ADTRP: variants seen among roughly 807,000 people sequenced by gnomAD.
The protein encoded by ADTRP is androgen dependent TFPI regulating protein, also known as androgen-dependent TFPI-regulating protein.
ADTRP carries 20 observed loss-of-function variants against 27.0 expected under a neutral mutation model. The ratio of observed to expected loss-of-function variants is 0.74; its 90% CI spans 0.52 to 1.08. The LOEUF (loss-of-function observed/expected upper bound fraction) is 1.08. Ranked by LOEUF, ADTRP falls within the 50% of genes least tolerant of loss-of-function variation. The pLI, the probability that ADTRP is intolerant of heterozygous loss-of-function variation, is 0.00. For synonymous variants in ADTRP, 101 were observed against 105.2 expected, an observed-to-expected ratio of 0.96 and a Z score of 0.25; for missense variants, 251 against 275.0, an observed-to-expected ratio of 0.91 and a Z score of 0.62.
At chr6:11,774,432 C>G (rs1191082695) in intron 1 of ADTRP, among the ~76,000 whole-genome samples, 1 of 152,180 alleles carries the variant, frequency 6.6e-6, no homozygotes, top group Non-Finnish European at 1.5e-5. Flanking sequence ...TGTTCACAGG[C>G]TGCCTTGAAG....
chr6:11,728,108 C>T (rs1186607759), intron 4 of ADTRP, among the ~76,000 whole-genome samples: 1 of 152,154 alleles, frequency 6.6e-6, no homozygotes, highest in Non-Finnish European at 1.5e-5. Context: ...TACTAAACTT[C>T]CTTCTAAATG....
intron 5 of ADTRP, among the ~76,000 whole-genome samples, chr6:11,719,578 C>T (rs1457888904): frequency 6.6e-6 from 1 of 152,108 alleles, no homozygotes; most frequent in Admixed American, 6.5e-5. Flanking sequence ...GCTACTGTCA[C>T]ATTGAATGGG....
chr6:11,722,361 T>C (rs1360657020), intron 5 of ADTRP, among the ~76,000 whole-genome samples: 3 of 152,194 alleles, frequency 2.0e-5, no homozygotes, highest in Non-Finnish European at 4.4e-5. Context: ...TACTGAACCT[T>C]CTGAAACTGT....
chr6:11,721,937 T>C (rs1033276798), intron 5 of ADTRP, among the ~76,000 whole-genome samples: 2 of 152,238 alleles, frequency 1.3e-5, no homozygotes, highest in African/African-American at 4.8e-5. Context: ...TTGAACTCAA[T>C]ACAATTGATT....
At chr6:11,778,532 C>A in intron 1 of ADTRP, 75 bp downstream of exon 1, 3 of 1,463,290 alleles carry the variant, frequency 2.1e-6, no homozygotes, top group South Asian at 1.5e-5. Context: ...TTAATAAAAT[C>A]CAAAGATGAT....
intron 3 of ADTRP, chr6:11,735,885 A>T (rs2095510206): frequency 5.8e-6 from 3 of 512,904 alleles, no homozygotes; most frequent in Non-Finnish European, 3.5e-6. Flanking sequence ...CTGGCTACCA[A>T]GGACTTTGCA....
intron 3 of ADTRP, among the ~76,000 whole-genome samples, chr6:11,745,170 A>ATT (rs1762827697): frequency 6.8e-6 from 1 of 147,808 alleles, no homozygotes. Context: ...GGGTTAGTCA[A>ATT]TCTCTCTCTC....
intron 5 of ADTRP, among the ~76,000 whole-genome samples, chr6:11,720,221 T>C (rs1364547225): frequency 6.6e-6 from 1 of 152,218 alleles, no homozygotes; most frequent in Non-Finnish European, 1.5e-5. Context: ...TTGGACAGAA[T>C]ACGTGGCTAT....
At chr6:11,766,453 A>T in intron 2 of ADTRP, 78 bp from the exon 3 acceptor site, 1 of 1,075,642 alleles carries the variant, frequency 9.3e-7, no homozygotes, top group Non-Finnish European at 1.4e-6. Context: ...AAGGAAACAC[A>T]GCTAAATAAA....
At chr6:11,745,339 C>G (rs1304779984) in intron 3 of ADTRP, among the ~76,000 whole-genome samples, 1 of 152,144 alleles carries the variant, frequency 6.6e-6, no homozygotes, top group Non-Finnish European at 1.5e-5. Flanking sequence ...TCTCGAGAAG[C>G]AGTTCTGCTT....
intron 3 of ADTRP, among the ~76,000 whole-genome samples, chr6:11,751,326 A>G (rs115005171): frequency 0.029 from 4,452 of 152,280 alleles, 220 homozygotes; most frequent in African/African-American, 0.1. Context: ...ATGTATTCCT[A>G]TATGTCAGGA....
chr6:11,741,975 C>G (rs1762733591), intron 3 of ADTRP, among the ~76,000 whole-genome samples: 2 of 152,154 alleles, frequency 1.3e-5, no homozygotes, highest in African/African-American at 4.8e-5. Flanking sequence ...CTTTTATCTT[C>G]CCAGGCATCA....
intron 5 of ADTRP, among the ~76,000 whole-genome samples, chr6:11,715,174 C>T (rs1334085801): frequency 6.9e-6 from 1 of 144,340 alleles, no homozygotes; most frequent in African/African-American, 2.8e-5. Flanking sequence ...TTGCCAAATA[C>T]TGTCAATGCT....
intron 1 of ADTRP, chr6:11,769,892 A>T (rs983243782): frequency 2.3e-6 from 2 of 883,254 alleles, no homozygotes; most frequent in African/African-American, 3.4e-5. Flanking sequence ...TACTACTCAA[A>T]GCTATAAAGC....
rs1397507326 is a variant in ADTRP, at chr6:11,713,854, TAGAC to T, written c.*620_*623del. ...TCAATTAATTTGCTATTATCCCAAG[TAGAC>T]AGACAACTTCAGTAGTAGCCATCTC... On this transcript the variant is annotated 3_prime_UTR_variant, in exon 6 of 6. Coordinates refer to ENST00000414691, the MANE Select transcript of ADTRP (RefSeq NM_032744.4). The T allele has an allele frequency of 6.6e-6, 1 of 152,298 alleles. No individual in the cohort carries two copies. The highest frequency in any genetic ancestry group is 2.1e-4 in the South Asian group (1 of 4,836). The allele number at this position is 152,298 out of a possible 1,614,324, so 9.4% of individuals were successfully genotyped here. A position where few individuals can be genotyped will look rare whatever the true frequency, so the allele number is the denominator to read the frequency against.
intron 3 of ADTRP, among the ~76,000 whole-genome samples, chr6:11,758,990 C>T (rs1423755429): frequency 6.6e-6 from 1 of 152,116 alleles, no homozygotes; most frequent in Non-Finnish European, 1.5e-5. Context: ...GTTCCAGGCC[C>T]GTGTTGCAGA....
At chr6:11,766,949 A>G (rs1763592652) in intron 2 of ADTRP, among the ~76,000 whole-genome samples, 2 of 152,230 alleles carry the variant, frequency 1.3e-5, no homozygotes, top group African/African-American at 4.8e-5. Context: ...TCTATCCTCT[A>G]TGCTACGAAG....
chr6:11,763,943 T>C (rs1763471012), intron 3 of ADTRP, among the ~76,000 whole-genome samples: 1 of 152,230 alleles, frequency 6.6e-6, no homozygotes, highest in South Asian at 2.1e-4. Flanking sequence ...ATGGATCTGT[T>C]GAGAGTTTCT....
intron 1 of ADTRP, among the ~76,000 whole-genome samples, chr6:11,778,325 C>T (rs1003253524): frequency 6.6e-6 from 1 of 152,128 alleles, no homozygotes; most frequent in Non-Finnish European, 1.5e-5. Context: ...TAGCATGGTC[C>T]CCTCTTTGAG....
Sources: gnomAD v4.1 joint callset for allele counts (sites outside exome capture counted in the v4.1 genomes callset) on GRCh38, gnomAD v4.1.1 for gene constraint, MANE v1.5 for transcripts, NCBI Gene and HGNC (gene_info 2026-07-23, HGNC 2026-07-21) for gene names.